Variants in ADGRL3 observed in about 807,000 individuals in gnomAD.
The protein encoded by ADGRL3 is calcium-independent alpha-latrotoxin receptor 3.
In ADGRL3, 62 loss-of-function variants were observed where a neutral mutation model predicts 153.5. That is an observed-to-expected ratio of 0.40 (90% confidence interval 0.33 to 0.50). The LOEUF is 0.50. ADGRL3 is among the 20% of genes least tolerant of loss of function. The pLI is 0.47. For missense variants in ADGRL3, 1,641 were observed against 1,859.4 expected, an observed-to-expected ratio of 0.88 and a Z score of 2.16; for synonymous variants, 710 against 672.5, an observed-to-expected ratio of 1.06 and a Z score of -0.86.
intron 13 of ADGRL3, among the ~76,000 whole-genome samples, chr4:61,929,135 G>A (rs550701728): frequency 2.0e-5 from 3 of 152,270 alleles, no homozygotes; most frequent in Non-Finnish European, 2.9e-5. Context: ...GTGGTGTTGG[G>A]AGGTGGGGCT....
intron 6 of ADGRL3, among the ~76,000 whole-genome samples, chr4:61,692,505 T>A (rs1314487164): frequency 6.6e-6 from 1 of 151,104 alleles, no homozygotes; most frequent in Non-Finnish European, 1.5e-5. Context: ...TGCAATGGCC[T>A]AATACCAGCT....
chr4:62,037,093 A>G (rs1157621447), intron 23 of ADGRL3, among the ~76,000 whole-genome samples: 1 of 152,164 alleles, frequency 6.6e-6, no homozygotes, highest in Non-Finnish European at 1.5e-5. Flanking sequence ...TTGAAGGACA[A>G]AATTTACAAT....
chr4:61,796,728 T>A (rs1230293378), intron 8 of ADGRL3, among the ~76,000 whole-genome samples: 2 of 152,196 alleles, frequency 1.3e-5, no homozygotes, highest in Non-Finnish European at 2.9e-5. Context: ...TCGTTATAAT[T>A]TTTATTAGTA....
chr4:61,895,707 G>C (rs1331450671), intron 10 of ADGRL3, 24 bp from the exon 11 acceptor site: 1 of 1,264,224 alleles, frequency 7.9e-7, no homozygotes, highest in Admixed American at 2.1e-5. Flanking sequence ...AAAAGAAACA[G>C]ATACATTTCT....
chr4:61,656,263 CTT>C (rs980119549), intron 5 of ADGRL3, among the ~76,000 whole-genome samples: 1 of 152,060 alleles, frequency 6.6e-6, no homozygotes, highest in Non-Finnish European at 1.5e-5. Flanking sequence ...TCTTTAAAAA[CTT>C]AGTATGACTC....
chr4:61,595,194 C>A (rs1169127189), intron 5 of ADGRL3, among the ~76,000 whole-genome samples: 1 of 152,088 alleles, frequency 6.6e-6, no homozygotes, highest in Non-Finnish European at 1.5e-5. Flanking sequence ...GGGTGCAAGA[C>A]AAAATCCCCT....
chr4:61,448,942 A>T (rs528160830), intron 2 of ADGRL3, among the ~76,000 whole-genome samples: 12 of 152,156 alleles, frequency 7.9e-5, no homozygotes, highest in African/African-American at 2.9e-4. Flanking sequence ...GTTATTAATT[A>T]GGAGATTTTT....
intron 2 of ADGRL3, among the ~76,000 whole-genome samples, chr4:61,494,645 C>G (rs1379094926): frequency 2.0e-5 from 3 of 152,048 alleles, no homozygotes; most frequent in South Asian, 4.1e-4. Context: ...TGCCATGATT[C>G]CTTTTCACTT....
At chr4:61,694,733 T>G (rs2095609472) in intron 6 of ADGRL3, among the ~76,000 whole-genome samples, 1 of 152,210 alleles carries the variant, frequency 6.6e-6, no homozygotes. Context: ...AAGATTTATT[T>G]GTAGCATGCA....
chr4:61,537,994 A>G (rs565815706), intron 4 of ADGRL3, among the ~76,000 whole-genome samples: 1 of 152,008 alleles, frequency 6.6e-6, no homozygotes, highest in East Asian at 1.9e-4. Context: ...GTGAGGATTC[A>G]TTGCCTGAGA....
At chr4:61,722,505 C>G (rs1333135902) in intron 6 of ADGRL3, among the ~76,000 whole-genome samples, 1 of 152,134 alleles carries the variant, frequency 6.6e-6, no homozygotes, top group Non-Finnish European at 1.5e-5. Flanking sequence ...CCTCGGTCAA[C>G]TTGGGGCTGG....
At chr4:61,851,175 T>G (rs949632078) in intron 9 of ADGRL3, among the ~76,000 whole-genome samples, 1 of 152,208 alleles carries the variant, frequency 6.6e-6, no homozygotes, top group African/African-American at 2.4e-5. Context: ...CTGATATATC[T>G]GAATGGCAGA....
chr4:61,456,486 TAG>T (rs1364541798), intron 2 of ADGRL3, among the ~76,000 whole-genome samples: 3 of 131,424 alleles, frequency 2.3e-5, no homozygotes, highest in Admixed American at 9.1e-5. Flanking sequence ...TCTATATATA[TAG>T]ATATATCTAT....
At chr4:61,343,032 A>G (rs1206710564) in intron 1 of ADGRL3, among the ~76,000 whole-genome samples, 1 of 152,016 alleles carries the variant, frequency 6.6e-6, no homozygotes, top group Non-Finnish European at 1.5e-5. Flanking sequence ...TGAAAGGGAA[A>G]CCTCTTTTAA....
chr4:61,845,001 G>C (rs2098097485), intron 9 of ADGRL3, among the ~76,000 whole-genome samples: 2 of 152,260 alleles, frequency 1.3e-5, no homozygotes, highest in Non-Finnish European at 2.9e-5. Context: ...AAATAGAAGA[G>C]AAAGTGGGAA....
Position 61,479,558 on chromosome 4 carries a change from A to C in ADGRL3, c.-173-17563A>C, listed in dbSNP as rs527524518. Among the ~76,000 whole-genome samples, 5 of 152,244 alleles carry C rather than the reference A, an allele frequency of 3.3e-5. No individual in the cohort carries two copies. The South Asian group carries it at 1.0e-3, about 32-fold the overall frequency. On this transcript the variant is annotated intron_variant, in intron 2 of 26. Coordinates refer to ENST00000683033, the MANE Select transcript of ADGRL3 (RefSeq NM_001387552.1). ...AAATTGTTTTATTATAAGTAGAATA[A>C]AAACTATAGGAAATTGGGGAAGATT... is the stretch of plus-strand genomic sequence containing the variant.
At chr4:61,958,708 G>C (rs907820040) in intron 17 of ADGRL3, among the ~76,000 whole-genome samples, 7 of 151,950 alleles carry the variant, frequency 4.6e-5, no homozygotes, top group African/African-American at 1.7e-4. Flanking sequence ...GAACAGCATG[G>C]GGGAAACTGC....
chr4:61,278,098 G>T (rs1296997733), intron 1 of ADGRL3, among the ~76,000 whole-genome samples: 1 of 152,086 alleles, frequency 6.6e-6, no homozygotes, highest in African/African-American at 2.4e-5. Context: ...CCTGGATCTT[G>T]ATACTTAAAA....
chr4:61,533,812 G>A (rs541640280), intron 4 of ADGRL3, among the ~76,000 whole-genome samples: 11 of 152,080 alleles, frequency 7.2e-5, no homozygotes, highest in East Asian at 1.9e-4. Context: ...AAATTTTAGC[G>A]TAAAAAATAT....
Sources: gnomAD v4.1 joint callset for allele counts (sites outside exome capture counted in the v4.1 genomes callset) on GRCh38, gnomAD v4.1.1 for gene constraint, MANE v1.5 for transcripts, NCBI Gene and HGNC (gene_info 2026-07-23, HGNC 2026-07-21) for gene names.